Variants in DCLK1 observed in about 807,000 individuals in gnomAD.
The protein encoded by DCLK1 is doublecortin like kinase 1, also known as serine/threonine-protein kinase DCLK1.
A neutral mutation model predicts 86.2 loss-of-function variants in DCLK1; 16 were observed. The observed-to-expected ratio is 0.19, with a 90% CI of 0.13 to 0.28. The LOEUF (loss-of-function observed/expected upper bound fraction) is 0.28, where lower values mean the gene tolerates loss of function less well. Among genes scored for constraint, DCLK1 ranks in the 10% least tolerant of loss-of-function variants. The pLI is 1.00. For synonymous variants in DCLK1, 369 were observed against 370.5 expected, an observed-to-expected ratio of 1.00 and a Z score of 0.05; for missense variants, 590 against 940.2, an observed-to-expected ratio of 0.63 and a Z score of 4.87.
At chr13:36,040,939 T>C (rs77471054) in intron 3 of DCLK1, among the ~76,000 whole-genome samples, 3,585 of 152,254 alleles carry the variant, frequency 0.024, 43 homozygotes, top group South Asian at 0.059. Context: ...GTTTGTTTTA[T>C]TTTGTTTTTA....
At chr13:35,959,784 C>G (rs950308729) in intron 3 of DCLK1, among the ~76,000 whole-genome samples, 3 of 151,704 alleles carry the variant, frequency 2.0e-5, no homozygotes, top group Non-Finnish European at 4.4e-5. Flanking sequence ...TTTCCAAAGG[C>G]AGGGTAGGGC....
intron 6 of DCLK1, among the ~76,000 whole-genome samples, chr13:35,853,647 T>A (rs1870824447): frequency 6.6e-6 from 1 of 152,222 alleles, no homozygotes; most frequent in African/African-American, 2.4e-5. Flanking sequence ...ATCTTGTGTT[T>A]GAGTGCAGTA....
chr13:36,126,545 G>T (rs1179280446), intron 1 of DCLK1, among the ~76,000 whole-genome samples: 2 of 152,054 alleles, frequency 1.3e-5, no homozygotes, highest in Non-Finnish European at 2.9e-5. Context: ...CCAAAGTTTG[G>T]GGATGATGTT....
At chr13:36,081,440 T>G (rs868658006) in intron 3 of DCLK1, among the ~76,000 whole-genome samples, 45 of 152,244 alleles carry the variant, frequency 3.0e-4, no homozygotes, top group Middle Eastern at 6.8e-3. Flanking sequence ...AAATTAAGTA[T>G]GCTGAAATCT....
intron 2 of DCLK1, among the ~76,000 whole-genome samples, chr13:36,120,877 G>A (rs1885964725): frequency 6.6e-6 from 1 of 152,146 alleles, no homozygotes; most frequent in African/African-American, 2.4e-5. Context: ...TCTTGTTGAG[G>A]ATAGAGAAAC....
intron 15 of DCLK1, among the ~76,000 whole-genome samples, chr13:35,793,829 T>G (rs770476184): frequency 6.6e-6 from 1 of 152,182 alleles, no homozygotes; most frequent in Non-Finnish European, 1.5e-5. Flanking sequence ...GAAAAAAAAT[T>G]CAATGTGAAC....
intron 3 of DCLK1, among the ~76,000 whole-genome samples, chr13:36,022,670 G>A (rs1019180187): frequency 1.3e-5 from 2 of 152,038 alleles, no homozygotes; most frequent in Admixed American, 6.5e-5. Flanking sequence ...TAATCTGGAC[G>A]AAATGCCCGA....
chr13:35,838,207 A>C (rs1869534216), intron 7 of DCLK1, among the ~76,000 whole-genome samples: 2 of 152,220 alleles, frequency 1.3e-5, no homozygotes, highest in Non-Finnish European at 2.9e-5. Context: ...TATTTCTGGA[A>C]ATACAAAAAA....
At chr13:35,887,898 A>AAAAAAG in intron 4 of DCLK1, among the ~76,000 whole-genome samples, 1 of 147,374 alleles carries the variant, frequency 6.8e-6, no homozygotes, top group Non-Finnish European at 1.5e-5. Flanking sequence ...AAAAAAAAAA[A>AAAAAAG]AAAAAAAAAA....
intron 4 of DCLK1, among the ~76,000 whole-genome samples, chr13:35,911,534 C>G (rs1352980447): frequency 1.3e-5 from 2 of 152,156 alleles, no homozygotes; most frequent in Non-Finnish European, 2.9e-5. Context: ...CCACATCACT[C>G]TGGTCTAGAC....
At chr13:35,838,313 GA>G (rs150239538) in intron 7 of DCLK1, among the ~76,000 whole-genome samples, 2 of 151,698 alleles carry the variant, frequency 1.3e-5, no homozygotes, top group East Asian at 1.9e-4. Flanking sequence ...ACTTTTTTCG[GA>G]AAAAAAATTA....
chr13:35,835,160 T>C (rs1477419262), intron 8 of DCLK1, among the ~76,000 whole-genome samples: 1 of 151,918 alleles, frequency 6.6e-6, no homozygotes. Context: ...AGCTTAGGAG[T>C]GTGATTCTCG....
At chr13:35,802,729 T>G (rs2086947240) in intron 15 of DCLK1, among the ~76,000 whole-genome samples, 1 of 152,084 alleles carries the variant, frequency 6.6e-6, no homozygotes, top group South Asian at 2.1e-4. Flanking sequence ...CAAGGATGAC[T>G]TGCAAAGGAT....
intron 4 of DCLK1, among the ~76,000 whole-genome samples, chr13:35,873,124 C>T (rs762674186): frequency 6.6e-6 from 1 of 151,782 alleles, no homozygotes; most frequent in East Asian, 1.9e-4. Flanking sequence ...ATGGTGAAAC[C>T]CTGCCTCTAC....
intron 5 of DCLK1, among the ~76,000 whole-genome samples, chr13:35,867,285 C>CA (rs1350008941): frequency 1.3e-5 from 2 of 152,262 alleles, no homozygotes; most frequent in Admixed American, 1.3e-4. Flanking sequence ...TTTATATACA[C>CA]AAAAAGCTCA....
chr13:36,113,553 G>A (rs1400151514), intron 2 of DCLK1, among the ~76,000 whole-genome samples: 1 of 152,084 alleles, frequency 6.6e-6, no homozygotes, highest in Non-Finnish European at 1.5e-5. Context: ...GGGTACTATA[G>A]AAACAGCAGT....
At chr13:35,891,541 T>G (rs990881341) in intron 4 of DCLK1, among the ~76,000 whole-genome samples, 1 of 152,192 alleles carries the variant, frequency 6.6e-6, no homozygotes, top group Admixed American at 6.5e-5. Flanking sequence ...TAAAATTGAT[T>G]GTGGTGACGA....
chr13:35,897,379 T>C (rs1172520516), intron 4 of DCLK1, among the ~76,000 whole-genome samples: 1 of 152,068 alleles, frequency 6.6e-6, no homozygotes, highest in African/African-American at 2.4e-5. Context: ...GACCTAGCCA[T>C]GATAGCAAGA....
chr13:35,869,150 C>T (rs1872075902), intron 5 of DCLK1: 2 of 508,042 alleles, frequency 3.9e-6, no homozygotes, highest in South Asian at 1.5e-5. Context: ...ACTGAACATC[C>T]TCCACAGAGC....
Sources: gnomAD v4.1 joint callset for allele counts (sites outside exome capture counted in the v4.1 genomes callset) on GRCh38, gnomAD v4.1.1 for gene constraint, MANE v1.5 for transcripts, NCBI Gene and HGNC (gene_info 2026-07-23, HGNC 2026-07-21) for gene names.